Variants in SCGB2B2 observed in about 807,000 individuals in gnomAD.
SCGB2B2 encodes secretoglobin family 2B member 2.
A neutral mutation model predicts 7.6 loss-of-function variants in SCGB2B2; 11 were observed. That is an observed-to-expected ratio of 1.45 (90% CI 0.91 to 2.40). SCGB2B2 has a LOEUF of 2.40. SCGB2B2 is among the 30% of genes most tolerant of loss of function. The pLI, the probability that SCGB2B2 is intolerant of heterozygous loss-of-function variation, is 0.00. For synonymous variants in SCGB2B2, 50 were observed against 48.6 expected, an observed-to-expected ratio of 1.03 and a Z score of -0.12; for missense variants, 104 against 115.4, an observed-to-expected ratio of 0.90 and a Z score of 0.45.
chr19:34,588,866 G>C (rs889030096), downstream of SCGB2B2, among the ~76,000 whole-genome samples: 5 of 152,236 alleles, frequency 3.3e-5, no homozygotes, highest in Non-Finnish European at 7.3e-5. Context: ...AGGAGACCTG[G>C]AGAAGGTCAA....
At chr19:34,655,049 G>A (rs2067247617) in intron 1 of SCGB2B2, among the ~76,000 whole-genome samples, 1 of 151,292 alleles carries the variant, frequency 6.6e-6, no homozygotes, top group Non-Finnish European at 1.5e-5. Flanking sequence ...GGAAGGAAAT[G>A]GCACACTCAT....
At chr19:34,634,863 T>C (rs1025606406) in intron 1 of SCGB2B2, 2 of 277,348 alleles carry the variant, frequency 7.2e-6, no homozygotes, top group Non-Finnish European at 7.6e-6. Flanking sequence ...TTCACCAGTG[T>C]GAACTCTCTG....
At chr19:34,624,799 C>G (rs970481685) in intron 1 of SCGB2B2, among the ~76,000 whole-genome samples, 1 of 152,130 alleles carries the variant, frequency 6.6e-6, no homozygotes, top group Non-Finnish European at 1.5e-5. Flanking sequence ...ATTCCCAACA[C>G]CCAAGAGTGA....
In SCGB2B2 at chr19:34,594,310, A is replaced by C; in HGVS notation, c.111T>G (p.Asp37Glu). 1 of 1,614,208 alleles carries C rather than the reference A, an allele frequency of 6.2e-7. No homozygotes were observed. The highest frequency in any genetic ancestry group is 8.5e-7 in the Non-Finnish European group (1 of 1,180,020). The change falls in exon 3 of 4, where the codon GAT becomes GAG. Residue 37 changes from aspartate to glutamate, a missense_variant. Physicochemically the swap from Asp to Glu is conservative, Grantham distance 45. Coordinates refer to ENST00000601241, the MANE Select transcript of SCGB2B2 (RefSeq NM_001025591.4). ...IDKLLANVVFDVSQDLLKEEL... is the reference protein window; with the variant it reads ...IDKLLANVVFEVSQDLLKEEL... ...CCTCCTTCAGGAGGTCTTGGGACACATCAAACACAACATTCGCAAGCAGTT... is the reference window on the plus strand; with the variant it reads ...CCTCCTTCAGGAGGTCTTGGGACACCTCAAACACAACATTCGCAAGCAGTT...
chr19:34,617,448 T>C (rs908750418), intron 1 of SCGB2B2, among the ~76,000 whole-genome samples: 2 of 151,314 alleles, frequency 1.3e-5, no homozygotes, highest in Non-Finnish European at 2.9e-5. Context: ...TTTGAAGCAA[T>C]TGTGAATGGG....
intron 1 of SCGB2B2, among the ~76,000 whole-genome samples, chr19:34,630,686 C>A (rs546987553): frequency 6.6e-6 from 1 of 152,224 alleles, no homozygotes; most frequent in South Asian, 2.1e-4. Context: ...CTAGTTCAAC[C>A]ATTGTGGAAG....
chr19:34,667,178 A>T (rs1303425160), intron 1 of SCGB2B2, among the ~76,000 whole-genome samples: 1 of 151,962 alleles, frequency 6.6e-6, no homozygotes, highest in Non-Finnish European at 1.5e-5. Flanking sequence ...CTCACCAAGC[A>T]ATGTCCCTGC....
At chr19:34,593,698 G>T in intron 3 of SCGB2B2, 99 bp from the exon 4 acceptor site, 1 of 917,702 alleles carries the variant, frequency 1.1e-6, no homozygotes, top group South Asian at 1.5e-5. Context: ...GGAGCTCCTT[G>T]AGTGTGTCTG....
intron 1 of SCGB2B2, chr19:34,632,758 T>C (rs1420200582): frequency 6.6e-6 from 1 of 152,268 alleles, no homozygotes; most frequent in Non-Finnish European, 1.5e-5. Flanking sequence ...CTGTATTTTA[T>C]GGTGACATCT....
intron 1 of SCGB2B2, chr19:34,645,991 AG>A: frequency 3.0e-6 from 1 of 331,174 alleles, no homozygotes; most frequent in South Asian, 2.8e-5. Context: ...CCCCTGACAG[AG>A]GAGTCCTTCC....
intron 1 of SCGB2B2, among the ~76,000 whole-genome samples, chr19:34,649,732 T>C (rs1162735657): frequency 6.6e-6 from 1 of 151,894 alleles, no homozygotes; most frequent in East Asian, 1.9e-4. Flanking sequence ...CAGGTGCTTG[T>C]AACCTCCGCT....
intron 1 of SCGB2B2, among the ~76,000 whole-genome samples, chr19:34,639,288 G>A (rs1001829456): frequency 6.6e-6 from 1 of 152,162 alleles, no homozygotes; most frequent in Non-Finnish European, 1.5e-5. Flanking sequence ...CGCTCCAAAG[G>A]AAGAACAGAA....
Position 34,592,339 on chromosome 19 carries a change from A to G in SCGB2B2, c.*1216T>C, listed in dbSNP as rs1268635514. On this transcript the variant is annotated 3_prime_UTR_variant, in exon 4 of 4. Coordinates refer to ENST00000601241, the MANE Select transcript of SCGB2B2 (RefSeq NM_001025591.4). ...GCACTTGTAGGGAAATGAGCTCTCA[A>G]AGATCCAGGGAGAAAGAAGATCCAG... Among the ~76,000 whole-genome samples the G allele has an allele frequency of 1.3e-5, 2 of 152,126 alleles. No homozygotes were observed. Among genetic ancestry groups the G allele is most frequent in the African/African-American group, 4.8e-5 (2 of 41,424 alleles).
At chr19:34,604,456 A>G (rs536340581) in intron 1 of SCGB2B2, among the ~76,000 whole-genome samples, 2 of 152,342 alleles carry the variant, frequency 1.3e-5, no homozygotes, top group South Asian at 2.1e-4. Context: ...CCACAGCTTG[A>G]GTGCTCACCA....
chr19:34,654,875 C>T (rs1290611102), intron 1 of SCGB2B2, among the ~76,000 whole-genome samples: 1 of 151,134 alleles, frequency 6.6e-6, no homozygotes, highest in Non-Finnish European at 1.5e-5. Context: ...GGCCAGCCTC[C>T]CATCAATTAA....
At chr19:34,627,657 C>A (rs1046089379) in intron 1 of SCGB2B2, among the ~76,000 whole-genome samples, 1 of 152,134 alleles carries the variant, frequency 6.6e-6, no homozygotes, top group Non-Finnish European at 1.5e-5. Context: ...GACTCCCATA[C>A]AATAATAATG....
intron 1 of SCGB2B2, among the ~76,000 whole-genome samples, chr19:34,631,546 T>C (rs76032140): frequency 0.02 from 3,001 of 151,502 alleles, 44 homozygotes; most frequent in East Asian, 0.066. Flanking sequence ...ATACAACATA[T>C]ACTTGAGACA....
chr19:34,666,309 C>T (rs1359002392), intron 1 of SCGB2B2, among the ~76,000 whole-genome samples: 2 of 152,118 alleles, frequency 1.3e-5, no homozygotes, highest in Non-Finnish European at 2.9e-5. Context: ...TTGTCCCACA[C>T]AGTCACACAC....
chr19:34,635,010 A>G, intron 1 of SCGB2B2: 1 of 294,018 alleles, frequency 3.4e-6, no homozygotes, highest in Non-Finnish European at 7.1e-6. Flanking sequence ...CAGTGCACTT[A>G]TAAGGCCTTT....
Sources: gnomAD v4.1 joint callset for allele counts (sites outside exome capture counted in the v4.1 genomes callset) on GRCh38, gnomAD v4.1.1 for gene constraint, MANE v1.5 for transcripts, NCBI Gene and HGNC (gene_info 2026-07-23, HGNC 2026-07-21) for gene names.